The following ADA variants were observed in gnomAD, a reference collection of about 807,000 sequenced individuals.
ADA encodes the protein adenosine deaminase, also known as adenosine aminohydrolase.
In ADA, 45 loss-of-function variants were observed where a neutral mutation model predicts 49.0. The ratio of observed to expected loss-of-function variants is 0.92; its 90% confidence interval spans 0.72 to 1.18. The LOEUF (loss-of-function observed/expected upper bound fraction) is 1.18, where lower values mean the gene tolerates loss of function less well. ADA is among the 50% of genes most tolerant of loss of function. The pLI is 0.00. For missense variants in ADA, 445 were observed against 472.5 expected (o/e 0.94, Z 0.54); for synonymous variants, 173 against 184.2 (o/e 0.94, Z 0.49).
intron 1 of ADA, among the ~76,000 whole-genome samples, chr20:44,645,570 C>T (rs1180462779): frequency 3.3e-5 from 5 of 151,918 alleles, no homozygotes; most frequent in Admixed American, 6.6e-5. Context: ...TGTAGTGAGC[C>T]GAGATTGCAC....
chr20:44,651,046 G>T (rs553825023), intron 1 of ADA, among the ~76,000 whole-genome samples: 1 of 152,294 alleles, frequency 6.6e-6, no homozygotes, highest in African/African-American at 2.4e-5. Flanking sequence ...GCGGGGGAAG[G>T]GGGGTGCTCT....
chr20:44,620,296 T>C lies in ADA; in HGVS notation c.1078+3A>G, dbSNP rs777840140. ...CTGCCCAGAAGCCCAGACAGGAACC[T>C]ACCTGCAGAGGCTGAAGGTGGCATC... On this transcript the variant is annotated splice_donor_region_variant and intron_variant, in intron 11 of 11. Transcript: ENST00000372874. 4 of 1,612,972 alleles carry C rather than the reference T, an allele frequency of 2.5e-6. No homozygotes were observed. The Admixed American group carries it at 6.7e-5, about 27-fold the overall frequency.
At chr20:44,619,939 C>T in intron 11 of ADA, 92 bp from the exon 12 acceptor site, 1 of 1,526,236 alleles carries the variant, frequency 6.6e-7, no homozygotes, top group Non-Finnish European at 9.1e-7. Context: ...CAGAAAGGAA[C>T]TCCTTCCTAT....
Position 44,623,017 on chromosome 20 carries a change from A to C in ADA, c.668T>G (p.Val223Gly), listed in dbSNP as rs2065347793. The change falls in exon 7 of 12, where the codon GTA (valine) becomes GGA (glycine). Residue 223 changes from valine to glycine, a missense_variant. Physicochemically the swap from Val to Gly is moderately radical, Grantham distance 109. Transcript: ENST00000372874. ...AGCCCAGGCCCTCACCTCTTTTACTACTTCGGCCGAGCCCACCTCCCCGGC... is the reference window on the plus strand; with the variant it reads ...AGCCCAGGCCCTCACCTCTTTTACTCCTTCGGCCGAGCCCACCTCCCCGGC... ...VHAGEVGSAE[V>G]VKEAVDILKT... The C allele has an allele frequency of 1.9e-6, 3 of 1,614,116 alleles. No homozygotes were observed. The highest frequency in any genetic ancestry group is 1.7e-6 in the Non-Finnish European group (2 of 1,180,008).
intron 1 of ADA, among the ~76,000 whole-genome samples, chr20:44,641,429 T>A (rs2065533172): frequency 6.6e-6 from 1 of 152,124 alleles, no homozygotes; most frequent in East Asian, 1.9e-4. Context: ...TCTTTCACAA[T>A]TTTGCCCCTA....
In ADA at chr20:44,639,871, A is replaced by G. The variant is rs565364794; in HGVS notation, c.34-3583T>C. Among the ~76,000 whole-genome samples the G allele has an allele frequency of 2.6e-5, 4 of 152,220 alleles. No homozygotes were observed. The East Asian group carries it at 7.7e-4, about 29-fold the overall frequency. On this transcript the variant is annotated intron_variant, in intron 1 of 11. Coordinates refer to ENST00000372874, the MANE Select transcript of ADA (RefSeq NM_000022.4). ...GAAGGAGCTCACCTAGGGAGAAAAT[A>G]TCAAGGGAGGTAAGGAAAAGGCCTA...
At chr20:44,650,145 C>T (rs148317789) in intron 1 of ADA, among the ~76,000 whole-genome samples, 2,012 of 152,326 alleles carry the variant, frequency 0.013, 38 homozygotes, top group African/African-American at 0.045. Context: ...AAAGGGGAGG[C>T]GCCAATCATG....
intron 10 of ADA, 141 bp downstream of exon 10, chr20:44,620,877 G>C (rs946422569): frequency 3.5e-6 from 4 of 1,157,514 alleles, no homozygotes; most frequent in African/African-American, 3.0e-5. Context: ...CTTCTCTGTG[G>C]AAAGTGTCTA....
At chr20:44,627,578 T>C (rs1037204247) in intron 3 of ADA, among the ~76,000 whole-genome samples, 2 of 152,332 alleles carry the variant, frequency 1.3e-5, no homozygotes, top group African/African-American at 4.8e-5. Flanking sequence ...GTCATATGGC[T>C]TATCAGCCAG....
At chr20:44,622,537 C>G (rs1600918531) in intron 9 of ADA, 51 bp downstream of exon 9, 17 of 1,608,156 alleles carry the variant, frequency 1.1e-5, no homozygotes, top group Non-Finnish European at 1.4e-5. Context: ...TTTCTTCCCT[C>G]TTTGGCCTTC....
intron 2 of ADA, among the ~76,000 whole-genome samples, chr20:44,630,211 G>A (rs1406553269): frequency 6.6e-6 from 1 of 151,958 alleles, no homozygotes; most frequent in Non-Finnish European, 1.5e-5. Flanking sequence ...TGGGTGTGGT[G>A]GTGTGTGCCT....
chr20:44,639,794 C>A (rs1267669991), intron 1 of ADA, among the ~76,000 whole-genome samples: 1 of 151,984 alleles, frequency 6.6e-6, no homozygotes, highest in Non-Finnish European at 1.5e-5. Context: ...CCTGAGAAGC[C>A]CAAGCTGGGA....
chr20:44,627,529 CT>C (rs1433177998), intron 3 of ADA, among the ~76,000 whole-genome samples: 1 of 152,094 alleles, frequency 6.6e-6, no homozygotes, highest in Non-Finnish European at 1.5e-5. Context: ...CCTGGGCTTT[CT>C]TTTTCTCCCA....
In ADA at chr20:44,623,091, G is replaced by C. The variant is rs1397207635; in HGVS notation, c.607-13C>G. On this transcript the variant is annotated splice_polypyrimidine_tract_variant and intron_variant, in intron 6 of 11. Transcript: ENST00000372874. ...TCTTCACAGCCTCCTGGAAGGGGGA[G>C]AGCCAGGTCATGGGTGCCCTAGCGG... 1.9e-6 allele frequency: 3 copies of C among 1,613,944 alleles called. No individual in the cohort carries two copies. In the Admixed American group the frequency reaches 5.0e-5, roughly 27 times the overall value.
chr20:44,650,212 C>G (rs924124223), intron 1 of ADA, among the ~76,000 whole-genome samples: 1 of 152,206 alleles, frequency 6.6e-6, no homozygotes, highest in Non-Finnish European at 1.5e-5. Context: ...AGGGCTTGTA[C>G]AGCACCTCAG....
In ADA at chr20:44,619,606, A is replaced by G. The variant is rs2065307962; in HGVS notation, c.*228T>C. 1.8e-6 allele frequency: 1 copy of G among 559,818 alleles called. No homozygotes were observed. The highest frequency in any genetic ancestry group is 2.0e-5 in the South Asian group (1 of 49,490). The allele number at this position is 559,818 out of a possible 1,614,324, so 34.7% of individuals were successfully genotyped here. On this transcript the variant is annotated 3_prime_UTR_variant, in exon 12 of 12. Transcript: ENST00000372874. ...CAGAAGGAGGGTTTCAGATTCAACC[A>G]TGCCCATGTGCAAGGGCGCTGGTCC... is the stretch of plus-strand genomic sequence containing the variant.
At chr20:44,626,402 G>T in intron 4 of ADA, 54 bp downstream of exon 4, 1 of 1,611,980 alleles carries the variant, frequency 6.2e-7, no homozygotes, top group Non-Finnish European at 8.5e-7. Flanking sequence ...CAGTCTCAGA[G>T]CTGAGCCTCC....
intron 2 of ADA, among the ~76,000 whole-genome samples, chr20:44,629,885 C>T (rs546300358): frequency 2.9e-4 from 44 of 152,294 alleles, no homozygotes; most frequent in African/African-American, 1.1e-3. Context: ...CTCCCAGCCA[C>T]GGGAAGCAGG....
At chr20:44,633,968 A>T (rs2065456335) in intron 2 of ADA, among the ~76,000 whole-genome samples, 1 of 152,214 alleles carries the variant, frequency 6.6e-6, no homozygotes, top group Non-Finnish European at 1.5e-5. Flanking sequence ...TGAGTGTGAC[A>T]AACTCCCCAG....
Sources: allele counts gnomAD v4.1 joint callset (sites outside exome capture counted in the v4.1 genomes callset), GRCh38; gene constraint gnomAD v4.1.1; transcripts MANE v1.5; gene names NCBI Gene and HGNC (gene_info 2026-07-23, HGNC 2026-07-21).